SLC6A5: variants seen among roughly 807,000 people sequenced by gnomAD.
The protein encoded by SLC6A5 is solute carrier family 6 member 5, also known as sodium- and chloride-dependent glycine transporter 2.
A neutral mutation model predicts 90.5 loss-of-function variants in SLC6A5; 58 were observed. The ratio of observed to expected loss-of-function variants is 0.64; its 90% CI spans 0.52 to 0.80. The LOEUF is 0.80. Among genes scored for constraint, SLC6A5 ranks in the 30% least tolerant of loss-of-function variants. The pLI, the probability that SLC6A5 is intolerant of heterozygous loss-of-function variation, is 0.00. For missense variants in SLC6A5, 1,015 were observed against 1,017.6 expected (o/e 1.00, Z 0.03); for synonymous variants, 427 against 401.4 (o/e 1.06, Z -0.76).
intron 8 of SLC6A5, among the ~76,000 whole-genome samples, chr11:20,627,394 T>C (rs1017654602): frequency 6.6e-6 from 1 of 152,168 alleles, no homozygotes; most frequent in Admixed American, 6.5e-5. Flanking sequence ...AACTGAATTT[T>C]CTCACCTTAA....
rs914173347 is a variant in SLC6A5, at chr11:20,601,304, A to C, written c.179A>C (p.Gln60Pro). 6.3e-7 allele frequency: 1 copy of C among 1,592,100 alleles called. No individual in the cohort carries two copies. The change falls in exon 2 of 16, where the codon CAA becomes CCA. Residue 60 changes from glutamine (Q) to proline (P), a missense_variant. Physicochemically the swap from Gln to Pro is moderately conservative, Grantham distance 76. Around this residue, in one of 3 missense-constraint regions of SLC6A5, gnomAD observed 567 missense variants for 507.3 expected, o/e 1.12. Coordinates refer to ENST00000525748, the MANE Select transcript of SLC6A5 (RefSeq NM_004211.5). ...RVPRSASTGA[Q>P]TFQSADARAC... is the part of the protein sequence containing the mutation. ...CCCAGGTCCGCTTCCACCGGCGCCC[A>C]AACTTTCCAGTCAGCGGACGCGCGA...
Position 20,636,366 on chromosome 11 carries a change from T to G in SLC6A5, c.1684T>G (p.Phe562Val), listed in dbSNP as rs1177652920. The change falls in exon 11 of 16, where the codon TTC (phenylalanine) becomes GTC (valine). Residue 562 changes from phenylalanine (F) to valine (V), a missense_variant. Phe to Val is a conservative substitution (Grantham distance 50, BLOSUM62 -1). Coordinates refer to ENST00000525748, the MANE Select transcript of SLC6A5 (RefSeq NM_004211.5). ...EALTRLPLSP[F>V]WAIIFFLMLL... is the part of the protein sequence containing the mutation. ...CTTAACCAGGCTGCCTCTCTCTCCG[T>G]TCTGGGCCATCATCTTTTTCCTGAT... 6.2e-7 allele frequency: 1 copy of G among 1,613,980 alleles called. No individual in the cohort carries two copies. Among genetic ancestry groups the G allele is most frequent in the Non-Finnish European group, 8.5e-7 (1 of 1,179,880 alleles).
chr11:20,622,936 C>T (rs1339791504), intron 7 of SLC6A5, among the ~76,000 whole-genome samples: 1 of 152,172 alleles, frequency 6.6e-6, no homozygotes, highest in Non-Finnish European at 1.5e-5. Flanking sequence ...TCTTCCCAGC[C>T]CCACCTGACA....
rs546888085 is a variant in SLC6A5, at chr11:20,622,178, A to T, written c.1260+4294A>T. Reference sequence around the variant, plus strand: ...AGGTGCATTCTGAATCTCCCCTGACACAGGGGAACTAGCTGTGCAGAAACC... The same window carrying T: ...AGGTGCATTCTGAATCTCCCCTGACTCAGGGGAACTAGCTGTGCAGAAACC... On this transcript the variant is annotated intron_variant, in intron 7 of 15. Transcript: ENST00000525748. Among the ~76,000 whole-genome samples the T allele has an allele frequency of 2.6e-5, 4 of 152,342 alleles. No individual in the cohort carries two copies. The South Asian group carries it at 8.3e-4, about 32-fold the overall frequency.
intron 6 of SLC6A5, among the ~76,000 whole-genome samples, chr11:20,615,774 C>T (rs1411359300): frequency 1.3e-5 from 2 of 151,594 alleles, no homozygotes; most frequent in Non-Finnish European, 2.9e-5. Context: ...TTCAAATGTA[C>T]TCGGGCATGG....
chr11:20,608,962 G>A (rs201862881), intron 5 of SLC6A5, among the ~76,000 whole-genome samples: 1 of 79,796 alleles, frequency 1.3e-5, no homozygotes, highest in African/African-American at 3.5e-5. Context: ...CTCTCTCTGT[G>A]TGTGTGTGTG....
At chr11:20,607,806 A>T (rs946313487) in intron 5 of SLC6A5, among the ~76,000 whole-genome samples, 154 bp downstream of exon 5, 1 of 152,218 alleles carries the variant, frequency 6.6e-6, no homozygotes, top group Non-Finnish European at 1.5e-5. Flanking sequence ...TAATTCTAAC[A>T]TAAAACTTAA....
At chr11:20,612,900 G>A (rs1220172585) in intron 5 of SLC6A5, among the ~76,000 whole-genome samples, 1 of 152,214 alleles carries the variant, frequency 6.6e-6, no homozygotes, top group African/African-American at 2.4e-5. Context: ...TTTCATGTAA[G>A]TTTATAGATT....
chr11:20,631,109 G>A (rs1853101542), intron 10 of SLC6A5, among the ~76,000 whole-genome samples: 1 of 152,170 alleles, frequency 6.6e-6, no homozygotes, highest in Admixed American at 6.5e-5. Flanking sequence ...TAGAAATAAG[G>A]GTTATACCTG....
At chr11:20,613,302 G>T (rs1179840115) in intron 5 of SLC6A5, among the ~76,000 whole-genome samples, 1 of 152,194 alleles carries the variant, frequency 6.6e-6, no homozygotes, top group Non-Finnish European at 1.5e-5. Context: ...CGTGGTAACT[G>T]CCATATAAGT....
At chr11:20,644,517 T>G (rs546983140) in intron 13 of SLC6A5, among the ~76,000 whole-genome samples, 1 of 152,362 alleles carries the variant, frequency 6.6e-6, no homozygotes, top group African/African-American at 2.4e-5. Context: ...GATGCTGCAA[T>G]AAACATAAGA....
intron 5 of SLC6A5, among the ~76,000 whole-genome samples, chr11:20,608,942 CTCTCTCTCTCTCTCTCTG>C (rs1216515273): frequency 6.9e-4 from 81 of 117,918 alleles, no homozygotes; most frequent in African/African-American, 1.8e-3. Context: ...CTCTCTCTCT[CTCTCTCTCTCTCTCTCTG>C]TGTGTGTGTG....
Position 20,657,863 on chromosome 11 carries a change from C to T in SLC6A5, c.*2995C>T, listed in dbSNP as rs1443368242. 6.6e-6 allele frequency: 1 copy of T among 152,142 alleles called. No homozygotes were observed. Among genetic ancestry groups the T allele is most frequent in the Non-Finnish European group, 1.5e-5 (1 of 68,008 alleles). 9.4% of individuals were successfully genotyped at this position (152,142 alleles called of 1,614,324 possible). ...ATGCAAATGTCTTGCATATTAGTAA[C>T]TTTTATTATCTTTAGGACTGTGCTT... is the stretch of plus-strand genomic sequence containing the variant. On this transcript the variant is annotated 3_prime_UTR_variant, in exon 16 of 16. Transcript: ENST00000525748.
At chr11:20,635,506 C>T (rs1457055354) in intron 10 of SLC6A5, among the ~76,000 whole-genome samples, 4 of 152,016 alleles carry the variant, frequency 2.6e-5, no homozygotes, top group Non-Finnish European at 5.9e-5. Context: ...AATGTTTTCT[C>T]CTGGAGGACT....
rs771324210 is a variant in SLC6A5 at position 20,607,628 on chromosome 11, A to G, written c.961A>G (p.Lys321Glu). The change falls in exon 5 of 16, where the codon AAA (lysine) becomes GAA (glutamate). Residue 321 changes from lysine (K) to glutamate (E), a missense_variant. Physicochemically the swap from Lys to Glu is moderately conservative, Grantham distance 56. Coordinates refer to ENST00000525748, the MANE Select transcript of SLC6A5 (RefSeq NM_004211.5). ...CNNPWNTPECKDKTKLLLDSC... is the reference protein window; with the variant it reads ...CNNPWNTPECEDKTKLLLDSC... ...CAACCCTTGGAATACGCCAGAATGC[A>G]AAGATAAAACCAAACTTTTATTAGG... 1.5e-5 allele frequency: 24 copies of G among 1,614,052 alleles called. No homozygotes were observed. The highest frequency in any genetic ancestry group is 2.7e-5 in the African/African-American group (2 of 74,932).
At chr11:20,634,857 C>T (rs982953242) in intron 10 of SLC6A5, among the ~76,000 whole-genome samples, 11 of 152,138 alleles carry the variant, frequency 7.2e-5, no homozygotes, top group Non-Finnish European at 1.6e-4. Flanking sequence ...TGATTGTGGA[C>T]GTGTGCTGGC....
At position 20,632,619 on chromosome 11, in the gene SLC6A5, C is replaced by T. The variant is rs539282579; in HGVS notation, c.1624+1804C>T. On this transcript the variant is annotated intron_variant, in intron 10 of 15. Transcript: ENST00000525748. ...AGGAGAAGGCCCATGAGATCTTCTC[C>T]CAGACCCACTGGGGAAGCTTTCCTG... is the stretch of plus-strand genomic sequence containing the variant. Among the ~76,000 whole-genome samples the T allele has an allele frequency of 6.4e-4, 97 of 152,146 alleles. 1 individual carries two copies. The highest frequency in any genetic ancestry group is 1.2e-3 in the Non-Finnish European group (79 of 68,040).
At chr11:20,611,549 C>CTTCAACCTA (rs1852693396) in intron 5 of SLC6A5, among the ~76,000 whole-genome samples, 2 of 152,126 alleles carry the variant, frequency 1.3e-5, no homozygotes, top group African/African-American at 2.4e-5. Context: ...AGGACTTCAC[C>CTTCAACCTA]CTGCACTCTT....
chr11:20,628,057 C>T lies in SLC6A5; in HGVS notation c.1473C>T (p.Tyr491=). 4 of 1,613,982 alleles carry T rather than the reference C, an allele frequency of 2.5e-6. No individual in the cohort carries two copies. The African/African-American group carries it at 4.0e-5, about 16-fold the overall frequency. The change falls in exon 9 of 16, where the codon TAC becomes TAT. Residue 491 remains tyrosine (Y), a synonymous_variant. Transcript: ENST00000525748. ...AWGGLITLSS[Y]NKFHNNCYRD... is the part of the protein sequence containing the mutation. ...GAGGCCTGATCACTCTCTCTTCTTACAACAAATTCCACAACAACTGCTACA... is the reference window on the plus strand; with the variant it reads ...GAGGCCTGATCACTCTCTCTTCTTATAACAAATTCCACAACAACTGCTACA...
Sources: gnomAD v4.1 joint callset for allele counts (sites outside exome capture counted in the v4.1 genomes callset) on GRCh38, gnomAD v4.1.1 for gene constraint, gnomAD v4.1.1 regional missense constraint, MANE v1.5 for transcripts, NCBI Gene and HGNC (gene_info 2026-07-23, HGNC 2026-07-21) for gene names.